The following PATJ variants were observed in gnomAD, a reference collection of about 807,000 sequenced individuals.
PATJ encodes PATJ crumbs cell polarity complex component.
Under a neutral mutation model 224.9 loss-of-function variants are expected in PATJ, and 190 were observed. The observed-to-expected ratio is 0.84, with a 90% CI of 0.75 to 0.95. PATJ has a LOEUF of 0.95. PATJ is among the 40% of genes least tolerant of loss of function. PATJ has a pLI of 0.00. For missense variants in PATJ, 2,121 were observed against 2,270.3 expected (o/e 0.93, Z 1.34); for synonymous variants, 769 against 820.3 (o/e 0.94, Z 1.07).
At chr1:61,869,880 T>A (rs1666060221) in intron 20 of PATJ, among the ~76,000 whole-genome samples, 1 of 152,146 alleles carries the variant, frequency 6.6e-6, no homozygotes, top group Non-Finnish European at 1.5e-5. Flanking sequence ...CAAGCGCTTT[T>A]GGGTACTGGC....
intron 41 of PATJ, among the ~76,000 whole-genome samples, chr1:62,136,084 A>G (rs540534278): frequency 7.6e-6 from 1 of 131,050 alleles, no homozygotes; most frequent in South Asian, 2.5e-4. Context: ...CTGGAATGCA[A>G]TGGTGCAATC....
chr1:62,115,266 C>A (rs376699903), intron 35 of PATJ, among the ~76,000 whole-genome samples: 1 of 152,040 alleles, frequency 6.6e-6, no homozygotes, highest in African/African-American at 2.4e-5. Flanking sequence ...GCTGAGATCA[C>A]GCCATTGCAT....
intron 33 of PATJ, among the ~76,000 whole-genome samples, chr1:62,094,635 TGTAA>T (rs931443111): frequency 1.4e-4 from 22 of 151,882 alleles, no homozygotes; most frequent in East Asian, 5.8e-4. Context: ...TTTCTTCTAG[TGTAA>T]GTGAGTATTT....
chr1:61,953,833 G>C (rs948741034), intron 27 of PATJ, among the ~76,000 whole-genome samples: 2 of 152,112 alleles, frequency 1.3e-5, no homozygotes, highest in African/African-American at 4.8e-5. Flanking sequence ...TTAATCTCCT[G>C]AGTATAACTG....
intron 28 of PATJ, among the ~76,000 whole-genome samples, chr1:62,015,160 C>T (rs759356502): frequency 3.3e-5 from 5 of 151,678 alleles, no homozygotes; most frequent in Non-Finnish European, 7.4e-5. Context: ...AAAAATTAGC[C>T]GGGCTTGGTG....
chr1:61,960,362 A>G (rs1458060428), intron 27 of PATJ, among the ~76,000 whole-genome samples: 2 of 152,158 alleles, frequency 1.3e-5, no homozygotes, highest in Admixed American at 6.5e-5. Context: ...TGAGTTCAGC[A>G]TAAAAATTGT....
intron 22 of PATJ, among the ~76,000 whole-genome samples, chr1:61,894,645 TA>T (rs1450644107): frequency 1.3e-5 from 2 of 152,226 alleles, no homozygotes; most frequent in Non-Finnish European, 2.9e-5. Flanking sequence ...GAACTTTGAG[TA>T]AATTAAACCT....
intron 29 of PATJ, among the ~76,000 whole-genome samples, chr1:62,020,010 GA>G (rs200658308): frequency 6.6e-6 from 1 of 150,822 alleles, no homozygotes; most frequent in Non-Finnish European, 1.5e-5. Flanking sequence ...CTGTGCAAAA[GA>G]AAAAAAAATT....
At chr1:61,864,085 G>A (rs12749061) in intron 19 of PATJ, among the ~76,000 whole-genome samples, 153 bp from the exon 20 acceptor site, 8,105 of 152,294 alleles carry the variant, frequency 0.053, 311 homozygotes, top group Admixed American at 0.087. Flanking sequence ...AGGTGAGCTT[G>A]TGTTTCTCCA....
At chr1:62,038,783 T>G in intron 30 of PATJ, 1 of 524,164 alleles carries the variant, frequency 1.9e-6, no homozygotes. Flanking sequence ...GCAATACACA[T>G]TATTTTTATT....
intron 31 of PATJ, among the ~76,000 whole-genome samples, chr1:62,077,700 AAAG>A (rs947872490): frequency 2.0e-5 from 3 of 151,802 alleles, no homozygotes; most frequent in African/African-American, 7.3e-5. Context: ...AAAAAAAAAA[AAAG>A]AAGATGGTGA....
chr1:61,925,928 C>A (rs1236908528), intron 26 of PATJ, among the ~76,000 whole-genome samples: 2 of 152,166 alleles, frequency 1.3e-5, no homozygotes, highest in Admixed American at 6.5e-5. Context: ...TTGAAGTGAT[C>A]TTTTCTATAG....
At chr1:61,820,717 G>A (rs971302945) in intron 14 of PATJ, among the ~76,000 whole-genome samples, 1 of 152,184 alleles carries the variant, frequency 6.6e-6, no homozygotes, top group South Asian at 2.1e-4. Context: ...CAAAATCAGT[G>A]AAAATTTAGC....
intron 20 of PATJ, chr1:61,865,688 C>T (rs1273357733): frequency 1.3e-5 from 2 of 151,748 alleles, no homozygotes; most frequent in Non-Finnish European, 1.5e-5. Context: ...TATTTCCTGC[C>T]CCAAATTAAC....
At chr1:62,012,022 C>G (rs1646479015) in intron 28 of PATJ, among the ~76,000 whole-genome samples, 1 of 149,122 alleles carries the variant, frequency 6.7e-6, no homozygotes, top group South Asian at 2.1e-4. Flanking sequence ...GAGAACCTGT[C>G]TCAAAAAAAA....
intron 17 of PATJ, among the ~76,000 whole-genome samples, chr1:61,835,563 C>G (rs951959503): frequency 5.3e-5 from 8 of 152,054 alleles, no homozygotes; most frequent in Non-Finnish European, 1.0e-4. Context: ...ACCACCATGC[C>G]CTCCTAACTT....
intron 32 of PATJ, among the ~76,000 whole-genome samples, chr1:62,084,301 G>T (rs1442184924): frequency 6.6e-6 from 1 of 152,072 alleles, no homozygotes; most frequent in Non-Finnish European, 1.5e-5. Flanking sequence ...AAGTAAAATT[G>T]ATGGGTTGAG....
chr1:62,087,654 C>T (rs1329830543), intron 33 of PATJ, among the ~76,000 whole-genome samples: 1 of 151,616 alleles, frequency 6.6e-6, no homozygotes, highest in Non-Finnish European at 1.5e-5. Context: ...TGGGCCCCGT[C>T]TAGAAAATCC....
chr1:61,882,169 G>C (rs1278520057), intron 21 of PATJ, among the ~76,000 whole-genome samples: 2 of 152,074 alleles, frequency 1.3e-5, no homozygotes, highest in Non-Finnish European at 2.9e-5. Flanking sequence ...AATATGATAG[G>C]GTTCATGAGG....
Sources: allele counts gnomAD v4.1 joint callset (sites outside exome capture counted in the v4.1 genomes callset), GRCh38; gene constraint gnomAD v4.1.1; transcripts MANE v1.5; gene names NCBI Gene and HGNC (gene_info 2026-07-23, HGNC 2026-07-21).